The following GREB1 variants were observed in gnomAD, a reference collection of about 807,000 sequenced individuals.
The protein encoded by GREB1 is growth regulating estrogen receptor binding 1.
Under a neutral mutation model 200.7 loss-of-function variants are expected in GREB1, and 106 were observed. The ratio of observed to expected loss-of-function variants is 0.53; its 90% CI spans 0.45 to 0.62. The LOEUF (loss-of-function observed/expected upper bound fraction) is 0.62. GREB1 is among the 20% of genes least tolerant of loss of function. GREB1 has a pLI of 0.00. For missense variants in GREB1, 2,243 were observed against 2,556.8 expected, an observed-to-expected ratio of 0.88 and a Z score of 2.65; for synonymous variants, 1,132 against 1,092.4, an observed-to-expected ratio of 1.04 and a Z score of -0.72.
At chr2:11,555,803 A>T (rs1676375882) in intron 1 of GREB1, among the ~76,000 whole-genome samples, 1 of 152,156 alleles carries the variant, frequency 6.6e-6, no homozygotes. Flanking sequence ...TGATCGTATG[A>T]TAGTTACACG....
chr2:11,539,453 G>A (rs74381889), intron 1 of GREB1, among the ~76,000 whole-genome samples: 1,787 of 152,236 alleles, frequency 0.012, 17 homozygotes, highest in Non-Finnish European at 0.019. Context: ...GAAGGGGCAC[G>A]TGCTCGCTTA....
intron 1 of GREB1, among the ~76,000 whole-genome samples, chr2:11,510,175 C>G (rs920429725): frequency 2.6e-5 from 4 of 152,128 alleles, no homozygotes; most frequent in Non-Finnish European, 5.9e-5. Flanking sequence ...ATCTTTGTCC[C>G]TGTATATTCA....
At chr2:11,613,333 G>A (rs886075864) in intron 19 of GREB1, among the ~76,000 whole-genome samples, 1 of 152,172 alleles carries the variant, frequency 6.6e-6, no homozygotes, top group Non-Finnish European at 1.5e-5. Context: ...AAGAGCAGAC[G>A]GCCAGCAAAA....
At chr2:11,616,152 G>A (rs944416966) in intron 20 of GREB1, among the ~76,000 whole-genome samples, 4 of 152,182 alleles carry the variant, frequency 2.6e-5, no homozygotes, top group Non-Finnish European at 4.4e-5. Flanking sequence ...CCCATAGCCC[G>A]CATTGCACTG....
chr2:11,619,422 A>G (rs1241993986), intron 22 of GREB1, among the ~76,000 whole-genome samples: 2 of 152,176 alleles, frequency 1.3e-5, no homozygotes, highest in African/African-American at 2.4e-5. Context: ...GGGGACTGGA[A>G]TCTGCTCTTT....
chr2:11,625,349 G>T, intron 24 of GREB1, 37 bp downstream of exon 24: 7 of 1,597,944 alleles, frequency 4.4e-6, no homozygotes, highest in Non-Finnish European at 6.0e-6. Context: ...CTTCCAGAGT[G>T]CATGGGCACA....
At chr2:11,511,145 G>T (rs1420729325) in intron 1 of GREB1, among the ~76,000 whole-genome samples, 1 of 152,176 alleles carries the variant, frequency 6.6e-6, no homozygotes, top group Non-Finnish European at 1.5e-5. Context: ...CTTCCTCCCA[G>T]CAGTCTTCAC....
intron 4 of GREB1, among the ~76,000 whole-genome samples, chr2:11,570,096 T>TCTG (rs1055074531): frequency 1.1e-4 from 17 of 152,200 alleles, no homozygotes; most frequent in African/African-American, 3.9e-4. Flanking sequence ...TGTAAATATA[T>TCTG]CGGCAGGGCA....
chr2:11,637,805 C>T lies in GREB1; in HGVS notation c.5436C>T (p.Leu1812=). 6.2e-7 allele frequency: 1 copy of T among 1,614,168 alleles called. No homozygotes were observed. ...CGTTCCTCGCAGCGCCCGCCCAGCT[C>T]CTGCTGGAGAAGTTCCTGCAGCACC... ...KHTFLAAPAQ[L]LLEKFLQHHS... Residue 1812 remains leucine (L), a synonymous_variant, in exon 31 of 33, where the codon CTC becomes CTT. Transcript: ENST00000381486.
intron 1 of GREB1, among the ~76,000 whole-genome samples, chr2:11,489,619 T>C (rs1037066724): frequency 4.6e-5 from 7 of 152,224 alleles, no homozygotes; most frequent in African/African-American, 1.7e-4. Flanking sequence ...CAGAGAACTA[T>C]GGAGGCAAGA....
intron 1 of GREB1, among the ~76,000 whole-genome samples, chr2:11,549,662 C>A (rs1439384782): frequency 5.9e-5 from 9 of 152,140 alleles, no homozygotes; most frequent in Non-Finnish European, 1.2e-4. Flanking sequence ...GTTTAAATTT[C>A]TGTTATTGTT....
In GREB1 at chr2:11,642,563, G is replaced by A. The variant is rs1416116318; in HGVS notation, c.*2109G>A. 1 of 152,088 alleles carries A rather than the reference G, an allele frequency of 6.6e-6. No homozygotes were observed. Among genetic ancestry groups the A allele is most frequent in the African/African-American group, 2.4e-5 (1 of 41,404 alleles). The allele number at this position is 152,088 out of a possible 1,614,324, so 9.4% of individuals were successfully genotyped here. On this transcript the variant is annotated 3_prime_UTR_variant, in exon 33 of 33. Transcript: ENST00000381486. The stretch of plus-strand genomic sequence containing the variant: ...TTTTTTCCTAAGAAAAAAAGTCCGC[G>A]AGTATTAAATATTTAGATCAATGTT...
At chr2:11,628,027 G>A (rs1684604074) in intron 25 of GREB1, among the ~76,000 whole-genome samples, 1 of 152,130 alleles carries the variant, frequency 6.6e-6, no homozygotes, top group African/African-American at 2.4e-5. Flanking sequence ...CCCAGACTTT[G>A]GGGTGGGTAC....
At chr2:11,596,015 C>T in intron 12 of GREB1, 96 bp from the exon 13 acceptor site, 2 of 1,224,202 alleles carry the variant, frequency 1.6e-6, no homozygotes, top group Non-Finnish European at 1.2e-6. Flanking sequence ...TTCATGACTC[C>T]AGGCCTCGGG....
intron 4 of GREB1, among the ~76,000 whole-genome samples, chr2:11,574,099 G>T (rs1402155977): frequency 6.6e-6 from 1 of 152,206 alleles, no homozygotes; most frequent in African/African-American, 2.4e-5. Context: ...AATAAACAAA[G>T]ACATGAGGTT....
intron 1 of GREB1, among the ~76,000 whole-genome samples, chr2:11,499,368 G>A (rs1419070642): frequency 1.3e-5 from 2 of 152,232 alleles, no homozygotes; most frequent in Non-Finnish European, 2.9e-5. Flanking sequence ...TTTTGTTTCC[G>A]CTGGTCAGCC....
upstream of GREB1, among the ~76,000 whole-genome samples, chr2:11,531,556 TTTAA>T (rs550154907): frequency 1.6e-4 from 25 of 152,226 alleles, no homozygotes; most frequent in Admixed American, 2.6e-4. Context: ...TTTTTAAACA[TTTAA>T]TTAATTAATT....
rs1675175336 is a variant in GREB1 at position 11,545,397 on chromosome 2, G to T, written c.-161-11057G>T. Among the ~76,000 whole-genome samples, 3 of 152,144 alleles carry T rather than the reference G, an allele frequency of 2.0e-5. No homozygotes were observed. The South Asian group carries it at 6.2e-4, about 31-fold the overall frequency. On this transcript the variant is annotated intron_variant, in intron 1 of 32. Transcript: ENST00000381486. ...TCCACCTGCCTCAGCCTCCCAAAGT[G>T]CTGGGACTACAGGCATGAGCCACTG...
intron 19 of GREB1, among the ~76,000 whole-genome samples, chr2:11,613,540 T>G (rs1683121932): frequency 6.6e-6 from 1 of 152,226 alleles, no homozygotes; most frequent in Non-Finnish European, 1.5e-5. Context: ...GCCTGGCTTC[T>G]TCCCCCAGGA....
Sources: gnomAD v4.1 joint callset for allele counts (sites outside exome capture counted in the v4.1 genomes callset) on GRCh38, gnomAD v4.1.1 for gene constraint, MANE v1.5 for transcripts, NCBI Gene and HGNC (gene_info 2026-07-23, HGNC 2026-07-21) for gene names.